ADAMTS17: variants seen among roughly 807,000 people sequenced by gnomAD.
ADAMTS17 encodes A disintegrin and metalloproteinase with thrombospondin motifs 17.
In ADAMTS17, 113 loss-of-function variants were observed where a neutral mutation model predicts 141.5. The ratio of observed to expected loss-of-function variants is 0.80; its 90% CI spans 0.69 to 0.93. The LOEUF (loss-of-function observed/expected upper bound fraction) is 0.93. ADAMTS17 is among the 40% of genes least tolerant of loss of function. The pLI is 0.00. For missense variants in ADAMTS17, 1,659 were observed against 1,517.9 expected, an observed-to-expected ratio of 1.09 and a Z score of -1.54; for synonymous variants, 768 against 630.6, an observed-to-expected ratio of 1.22 and a Z score of -3.27.
intron 4 of ADAMTS17, among the ~76,000 whole-genome samples, chr15:100,275,017 A>G (rs2044031941): frequency 6.6e-6 from 1 of 152,206 alleles, no homozygotes; most frequent in African/African-American, 2.4e-5. Flanking sequence ...TAAATATGGA[A>G]TTGTAAATTC....
intron 3 of ADAMTS17, among the ~76,000 whole-genome samples, chr15:100,286,190 C>A (rs754815575): frequency 1.2e-4 from 18 of 152,186 alleles, no homozygotes; most frequent in Non-Finnish European, 2.6e-4. Context: ...TGCCGGCACA[C>A]ACGTATTGGC....
intron 16 of ADAMTS17, among the ~76,000 whole-genome samples, chr15:100,052,054 G>T (rs1421327604): frequency 1.3e-5 from 2 of 152,212 alleles, no homozygotes; most frequent in East Asian, 3.8e-4. Context: ...GGAGAGCTGC[G>T]TCACGCAGAG....
intron 3 of ADAMTS17, among the ~76,000 whole-genome samples, chr15:100,284,754 A>C (rs948497700): frequency 3.3e-5 from 5 of 152,222 alleles, no homozygotes; most frequent in Non-Finnish European, 5.9e-5. Context: ...AACTGCAAAA[A>C]TATGCTTGAT....
rs1567176059 is a variant in ADAMTS17 at position 100,102,422 on chromosome 15, G to GAAGGGGATCTACATTTGAGGGCCGACCA, written c.2017-5974_2017-5947dup. ...GGGGATCTACATTTGAGGGCCGACC[G>GAAGGGGATCTACATTTGAGGGCCGACCA]AAGGGGATCTACATTTGAGGGCCGA... On this transcript the variant is annotated intron_variant, in intron 14 of 21. Transcript: ENST00000268070. Among the ~76,000 whole-genome samples, 7 of 77,114 alleles carry GAAGGGGATCTACATTTGAGGGCCGACCA rather than the reference G, an allele frequency of 9.1e-5. 1 individual carries two copies. 50.6% of individuals were successfully genotyped at this position (77,114 alleles called of 152,430 possible).
rs533678914 is a variant in ADAMTS17 at position 100,002,750 on chromosome 15, G to A, written c.2592-5161C>T. ...TGTTTTCACATGGGAGATTCCTGCA[G>A]AGCAGTGAGGGGCGGCTGGCTGTCC... On this transcript the variant is annotated intron_variant, in intron 18 of 21. Coordinates refer to ENST00000268070, the MANE Select transcript of ADAMTS17 (RefSeq NM_139057.4). Among the ~76,000 whole-genome samples the A allele has an allele frequency of 3.3e-5, 5 of 152,242 alleles. No homozygotes were observed. The East Asian group carries it at 9.7e-4, about 29-fold the overall frequency.
intron 20 of ADAMTS17, among the ~76,000 whole-genome samples, chr15:99,992,159 T>C (rs2060702499): frequency 6.6e-6 from 1 of 151,614 alleles, no homozygotes; most frequent in African/African-American, 2.4e-5. Flanking sequence ...CTGCACTTTC[T>C]GCACATGTAC....
At chr15:100,094,364 C>G (rs1291915603) in intron 15 of ADAMTS17, among the ~76,000 whole-genome samples, 2 of 152,180 alleles carry the variant, frequency 1.3e-5, no homozygotes, top group Non-Finnish European at 2.9e-5. Flanking sequence ...GGGATGTGGC[C>G]CAGGCCGGAG....
chr15:100,096,171 C>T (rs947588209), intron 15 of ADAMTS17, among the ~76,000 whole-genome samples, 185 bp downstream of exon 15: 8 of 152,278 alleles, frequency 5.3e-5, no homozygotes, highest in South Asian at 2.1e-4. Context: ...CTACTAGCAA[C>T]GTGAAGGCAT....
intron 13 of ADAMTS17, among the ~76,000 whole-genome samples, chr15:100,111,803 C>T (rs759700931): frequency 6.6e-6 from 1 of 152,238 alleles, no homozygotes; most frequent in Admixed American, 6.5e-5. Context: ...CTATTCGTTT[C>T]AGGTGGGTGC....
chr15:100,281,971 T>C (rs2044300649), intron 3 of ADAMTS17, among the ~76,000 whole-genome samples: 2 of 152,174 alleles, frequency 1.3e-5, no homozygotes, highest in African/African-American at 4.8e-5. Flanking sequence ...CAGGCTAAAA[T>C]GAAAATCTTC....
At position 99,971,946 on chromosome 15, in the gene ADAMTS17, GGTGGATTTCAAGA is replaced by G. The variant is rs879330628; in HGVS notation, c.*2443_*2455del. On this transcript the variant is annotated 3_prime_UTR_variant, in exon 22 of 22. Coordinates refer to ENST00000268070, the MANE Select transcript of ADAMTS17 (RefSeq NM_139057.4). Reference sequence around the variant, plus strand: ...TCGTGCCATGAACAGAAGGTAGGCTGGTGGATTTCAAGATAAGCTAAAAGGCCGGGCGCGGTGG... The same window carrying G: ...TCGTGCCATGAACAGAAGGTAGGCTGTAAGCTAAAAGGCCGGGCGCGGTGG... 6.6e-6 allele frequency: 1 copy of G among 152,176 alleles called. No homozygotes were observed. The highest frequency in any genetic ancestry group is 2.4e-5 in the African/African-American group (1 of 41,418). The allele number at this position is 152,176 out of a possible 1,614,324, so 9.4% of individuals were successfully genotyped here. A position where few individuals can be genotyped will look rare whatever the true frequency, so the allele number is the denominator to read the frequency against.
At chr15:100,301,027 G>A (rs553819288) in intron 3 of ADAMTS17, among the ~76,000 whole-genome samples, 1 of 152,286 alleles carries the variant, frequency 6.6e-6, no homozygotes, top group East Asian at 1.9e-4. Context: ...CAAACCTAGT[G>A]CCTAGCATGC....
rs202079882 is a variant in ADAMTS17, at chr15:99,997,605, A to G, written c.2592-16T>C. 329 of 1,612,418 alleles carry G rather than the reference A, an allele frequency of 2.0e-4. 1 individual carries two copies. In the South Asian group the frequency reaches 3.5e-3, roughly 17 times the overall value. The stretch of plus-strand genomic sequence containing the variant: ...TGCCACCCACCTGCCAGACGGGAGG[A>G]AAGAGAGAGAGAACGACTGGGTGAG... On this transcript the variant is annotated splice_polypyrimidine_tract_variant and intron_variant, in intron 18 of 21. Transcript: ENST00000268070. The surrounding 1 kb of genome is among the most constrained non-coding windows in gnomAD (Gnocchi z 4.7).
chr15:100,037,429 GAGAC>G (rs2030842343), intron 18 of ADAMTS17, among the ~76,000 whole-genome samples: 1 of 120,774 alleles, frequency 8.3e-6, no homozygotes, highest in Non-Finnish European at 1.6e-5. Flanking sequence ...TCTTCTTTTT[GAGAC>G]AGAGTCTCAC....
intron 8 of ADAMTS17, among the ~76,000 whole-genome samples, chr15:100,179,930 CT>C (rs890298077): frequency 1.4e-4 from 21 of 152,170 alleles, no homozygotes; most frequent in African/African-American, 3.6e-4. Flanking sequence ...TTATTAATCT[CT>C]TGTCAGATGG....
chr15:100,193,491 G>C (rs1310254821), intron 8 of ADAMTS17, among the ~76,000 whole-genome samples: 2 of 152,174 alleles, frequency 1.3e-5, no homozygotes, highest in Non-Finnish European at 2.9e-5. Flanking sequence ...GAAAGAGATG[G>C]TGGCAGGAAT....
At chr15:100,018,182 C>T (rs977038782) in intron 18 of ADAMTS17, among the ~76,000 whole-genome samples, 9 of 138,850 alleles carry the variant, frequency 6.5e-5, no homozygotes, top group African/African-American at 2.1e-4. Flanking sequence ...CCTTCTGTGA[C>T]GGGTTTTCAC....
At chr15:100,259,808 C>T (rs1314504849) in intron 6 of ADAMTS17, among the ~76,000 whole-genome samples, 1 of 152,178 alleles carries the variant, frequency 6.6e-6, no homozygotes, top group African/African-American at 2.4e-5. Context: ...ATCCATTTGG[C>T]AATGGGTGGT....
intron 10 of ADAMTS17, among the ~76,000 whole-genome samples, chr15:100,151,858 C>A (rs188661049): frequency 8.7e-4 from 133 of 152,370 alleles, no homozygotes; most frequent in Middle Eastern, 6.8e-3. Flanking sequence ...CCCATAAAAC[C>A]AGCCAAGTCA....
Sources: gnomAD v4.1 joint callset for allele counts (sites outside exome capture counted in the v4.1 genomes callset) on GRCh38, gnomAD v4.1.1 for gene constraint, Gnocchi (gnomAD v3.1) non-coding constraint, MANE v1.5 for transcripts, NCBI Gene and HGNC (gene_info 2026-07-23, HGNC 2026-07-21) for gene names.